The following MLLT3 variants were observed in gnomAD, a reference collection of about 807,000 sequenced individuals.
MLLT3 encodes the protein protein AF-9.
Under a neutral mutation model 53.2 loss-of-function variants are expected in MLLT3, and 4 were observed. The observed-to-expected ratio is 0.08, with a 90% CI of 0.04 to 0.17. The LOEUF (loss-of-function observed/expected upper bound fraction) is 0.17, where lower values mean the gene tolerates loss of function less well. Among genes scored for constraint, MLLT3 ranks in the 10% least tolerant of loss-of-function variants. The probability of loss-of-function intolerance (pLI) is 1.00; values close to 1 mark genes in which losing one functional copy is unlikely to be tolerated. For missense variants in MLLT3, 569 were observed against 684.0 expected (o/e 0.83, Z 1.87); for synonymous variants, 283 against 230.6 (o/e 1.23, Z -2.06).
chr9:20,381,541 G>A (rs2118697403), intron 5 of MLLT3, among the ~76,000 whole-genome samples: 1 of 151,906 alleles, frequency 6.6e-6, no homozygotes, highest in African/African-American at 2.4e-5. Context: ...ATATTAACCT[G>A]TAAACCAATC....
At chr9:20,538,728 G>T (rs1252743219) in intron 2 of MLLT3, among the ~76,000 whole-genome samples, 1 of 152,132 alleles carries the variant, frequency 6.6e-6, no homozygotes, top group Non-Finnish European at 1.5e-5. Flanking sequence ...TTCCTATTTA[G>T]TCCCTTAAAA....
Position 20,461,008 on chromosome 9 carries a change from G to A in MLLT3, c.194-4222C>T, listed in dbSNP as rs191783808. On this transcript the variant is annotated intron_variant, in intron 2 of 10. Coordinates refer to ENST00000380338, the MANE Select transcript of MLLT3 (RefSeq NM_004529.4). ...ATTTTGAAACTAATATTCAACAGCC[G>A]TAAATAACCGCTCCCCTTCTCCTCT... Among the ~76,000 whole-genome samples the A allele has an allele frequency of 2.1e-3, 320 of 152,202 alleles. 1 individual carries two copies. Among genetic ancestry groups the A allele is most frequent in the South Asian group, 0.019 (90 of 4,822 alleles).
At chr9:20,384,605 T>C (rs1041710430) in intron 5 of MLLT3, among the ~76,000 whole-genome samples, 1 of 152,104 alleles carries the variant, frequency 6.6e-6, no homozygotes, top group South Asian at 2.1e-4. Context: ...TTATCATCAA[T>C]GGGATGCAGG....
intron 5 of MLLT3, among the ~76,000 whole-genome samples, chr9:20,367,260 T>C (rs1821481800): frequency 6.6e-6 from 1 of 152,198 alleles, no homozygotes; most frequent in South Asian, 2.1e-4. Flanking sequence ...CTCTTCCTTC[T>C]CCAAAACCAC....
intron 5 of MLLT3, among the ~76,000 whole-genome samples, chr9:20,376,622 T>C (rs1368751767): frequency 2.0e-5 from 3 of 152,166 alleles, no homozygotes; most frequent in Non-Finnish European, 4.4e-5. Context: ...GGAAATAAAA[T>C]GGCCTCGGGG....
At chr9:20,484,671 A>T (rs1204125388) in intron 2 of MLLT3, among the ~76,000 whole-genome samples, 1 of 152,080 alleles carries the variant, frequency 6.6e-6, no homozygotes, top group Non-Finnish European at 1.5e-5. Context: ...GAATCCATGA[A>T]ATTTGCTTCT....
At chr9:20,411,977 T>C (rs1251270752) in intron 5 of MLLT3, 1 of 152,186 alleles carries the variant, frequency 6.6e-6, no homozygotes, top group Non-Finnish European at 1.5e-5. Flanking sequence ...AATAAAATTT[T>C]CATAAGCCAT....
chr9:20,454,265 G>A (rs1432227751), intron 3 of MLLT3, among the ~76,000 whole-genome samples: 2 of 152,024 alleles, frequency 1.3e-5, no homozygotes, highest in Non-Finnish European at 2.9e-5. Context: ...GCACACGCAT[G>A]CGTGTGTGTG....
At chr9:20,570,635 C>T (rs1355942638) in intron 2 of MLLT3, among the ~76,000 whole-genome samples, 3 of 152,090 alleles carry the variant, frequency 2.0e-5, no homozygotes, top group Non-Finnish European at 4.4e-5. Flanking sequence ...TTGTATTTGT[C>T]AGAACCAAAC....
chr9:20,505,012 G>A (rs1384558917), intron 2 of MLLT3, among the ~76,000 whole-genome samples: 2 of 152,052 alleles, frequency 1.3e-5, no homozygotes, highest in Admixed American at 6.5e-5. Flanking sequence ...AAAAAGAAGG[G>A]CTCACCATAA....
chr9:20,497,021 T>C (rs556038434), intron 2 of MLLT3, among the ~76,000 whole-genome samples: 1 of 152,350 alleles, frequency 6.6e-6, no homozygotes, highest in African/African-American at 2.4e-5. Context: ...ATAAATTCCT[T>C]ATGCTAATAA....
At chr9:20,615,174 T>A (rs1820796343) in intron 2 of MLLT3, among the ~76,000 whole-genome samples, 1 of 151,556 alleles carries the variant, frequency 6.6e-6, no homozygotes, top group South Asian at 2.1e-4. Flanking sequence ...TGAAACCCCA[T>A]CTCTACCAAA....
At chr9:20,505,177 G>A (rs944568634) in intron 2 of MLLT3, among the ~76,000 whole-genome samples, 3 of 152,150 alleles carry the variant, frequency 2.0e-5, no homozygotes, top group Admixed American at 6.5e-5. Context: ...TGAGATGCAT[G>A]TGTCAAAGTC....
At chr9:20,576,132 T>G (rs1819646556) in intron 2 of MLLT3, among the ~76,000 whole-genome samples, 1 of 152,198 alleles carries the variant, frequency 6.6e-6, no homozygotes, top group African/African-American at 2.4e-5. Flanking sequence ...TTTCTTTCCT[T>G]AAACCCCATA....
intron 5 of MLLT3, among the ~76,000 whole-genome samples, chr9:20,413,494 T>C (rs1474459947): frequency 2.6e-5 from 4 of 152,240 alleles, no homozygotes; most frequent in Admixed American, 1.3e-4. Context: ...TATGGAAATA[T>C]CTTTCCTTTA....
intron 3 of MLLT3, 119 bp downstream of exon 3, chr9:20,456,585 T>C: frequency 2.8e-6 from 2 of 717,078 alleles, no homozygotes; most frequent in Admixed American, 5.9e-5. Flanking sequence ...GAAGACAAAT[T>C]TAACTTTTAT....
At chr9:20,351,158 GA>G (rs1487652462) in intron 10 of MLLT3, among the ~76,000 whole-genome samples, 1 of 152,182 alleles carries the variant, frequency 6.6e-6, no homozygotes, top group Non-Finnish European at 1.5e-5. Context: ...ATTTTCATCA[GA>G]ACATTTCTCA....
intron 2 of MLLT3, among the ~76,000 whole-genome samples, chr9:20,492,825 G>A (rs1387144435): frequency 6.6e-6 from 1 of 151,926 alleles, no homozygotes; most frequent in Non-Finnish European, 1.5e-5. Flanking sequence ...TTATAGATCT[G>A]ATCTTGAAAA....
At chr9:20,505,097 G>C (rs984859922) in intron 2 of MLLT3, among the ~76,000 whole-genome samples, 1 of 152,166 alleles carries the variant, frequency 6.6e-6, no homozygotes, top group Non-Finnish European at 1.5e-5. Flanking sequence ...ACCAGAACAG[G>C]GGGTGGTTGC....
Sources: gnomAD v4.1 joint callset for allele counts (sites outside exome capture counted in the v4.1 genomes callset) on GRCh38, gnomAD v4.1.1 for gene constraint, MANE v1.5 for transcripts, NCBI Gene and HGNC (gene_info 2026-07-23, HGNC 2026-07-21) for gene names.